Variants in C8orf34 observed in about 807,000 individuals in gnomAD.
C8orf34 encodes the protein chromosome 8 open reading frame 34.
In C8orf34, 65 loss-of-function variants were observed where a neutral mutation model predicts 68.3. That is an observed-to-expected ratio of 0.95 (90% CI 0.78 to 1.17). C8orf34 has a LOEUF of 1.17. C8orf34 is among the 50% of genes most tolerant of loss of function. The probability of loss-of-function intolerance (pLI) is 0.00; values close to 1 mark genes in which losing one functional copy is unlikely to be tolerated. For synonymous variants in C8orf34, 244 were observed against 241.2 expected, an observed-to-expected ratio of 1.01 and a Z score of -0.11; for missense variants, 664 against 655.4, an observed-to-expected ratio of 1.01 and a Z score of -0.14.
intron 7 of C8orf34, among the ~76,000 whole-genome samples, chr8:68,564,304 A>T (rs764043657): frequency 2.0e-5 from 3 of 152,222 alleles, no homozygotes; most frequent in Non-Finnish European, 4.4e-5. Flanking sequence ...AACAAAATAT[A>T]GTTGATCATT....
chr8:68,356,304 T>C (rs973337357), intron 1 of C8orf34, among the ~76,000 whole-genome samples: 2 of 152,202 alleles, frequency 1.3e-5, no homozygotes, highest in Admixed American at 6.6e-5. Flanking sequence ...ATTAAGTTCT[T>C]TGGTGCATGG....
At chr8:68,575,501 C>T (rs1816876451) in intron 7 of C8orf34, among the ~76,000 whole-genome samples, 1 of 152,038 alleles carries the variant, frequency 6.6e-6, no homozygotes, top group African/African-American at 2.4e-5. Flanking sequence ...TGCAGTGGTA[C>T]ATTGGGTAAG....
At chr8:68,418,852 A>C (rs899587761) in intron 1 of C8orf34, among the ~76,000 whole-genome samples, 1 of 151,900 alleles carries the variant, frequency 6.6e-6, no homozygotes. Context: ...AAAGACTTAA[A>C]CGTTAGACCT....
chr8:68,601,353 C>A (rs752053982), intron 7 of C8orf34, among the ~76,000 whole-genome samples: 2 of 151,944 alleles, frequency 1.3e-5, no homozygotes, highest in African/African-American at 2.4e-5. Context: ...GAGACTCCAA[C>A]GGTACACATG....
intron 7 of C8orf34, among the ~76,000 whole-genome samples, chr8:68,569,979 C>T (rs923196855): frequency 2.6e-5 from 4 of 152,306 alleles, no homozygotes; most frequent in African/African-American, 9.6e-5. Flanking sequence ...TCAGGCTGCT[C>T]TTTGATTTCA....
chr8:68,396,846 T>C (rs1341577090), intron 1 of C8orf34, among the ~76,000 whole-genome samples: 3 of 151,248 alleles, frequency 2.0e-5, no homozygotes, highest in South Asian at 2.1e-4. Flanking sequence ...CTTGAGGCCT[T>C]CATGAGAAGC....
At chr8:68,575,592 GT>G (rs1213965304) in intron 7 of C8orf34, among the ~76,000 whole-genome samples, 26 of 152,030 alleles carry the variant, frequency 1.7e-4, no homozygotes, top group Admixed American at 1.7e-3. Flanking sequence ...TATTTTGTCA[GT>G]ATAAGGGTGT....
intron 8 of C8orf34, among the ~76,000 whole-genome samples, chr8:68,668,155 G>C (rs1160660295): frequency 1.3e-5 from 2 of 151,844 alleles, no homozygotes; most frequent in Non-Finnish European, 2.9e-5. Flanking sequence ...TCAATATATA[G>C]CTACTACATT....
At chr8:68,750,624 A>G (rs1822678857) in intron 10 of C8orf34, among the ~76,000 whole-genome samples, 1 of 152,102 alleles carries the variant, frequency 6.6e-6, no homozygotes, top group Non-Finnish European at 1.5e-5. Flanking sequence ...CGTGCATTTT[A>G]CCATAATAAA....
At chr8:68,379,067 G>C (rs1014369251) in intron 1 of C8orf34, among the ~76,000 whole-genome samples, 5 of 152,158 alleles carry the variant, frequency 3.3e-5, no homozygotes, top group Admixed American at 6.5e-5. Flanking sequence ...ATCTCGAAGA[G>C]AGAAGACTTA....
chr8:68,784,221 T>C (rs1823777334), intron 11 of C8orf34, among the ~76,000 whole-genome samples: 1 of 152,218 alleles, frequency 6.6e-6, no homozygotes, highest in Non-Finnish European at 1.5e-5. Flanking sequence ...GCAATGGCTA[T>C]CAGGAGTACA....
chr8:68,585,999 G>A (rs1477745742), intron 7 of C8orf34, among the ~76,000 whole-genome samples: 6 of 151,972 alleles, frequency 3.9e-5, no homozygotes, highest in Non-Finnish European at 8.8e-5. Flanking sequence ...ACCAAGATGG[G>A]GACCTTTGGG....
At chr8:68,511,082 C>A (rs370902704) in intron 5 of C8orf34, among the ~76,000 whole-genome samples, 2 of 152,326 alleles carry the variant, frequency 1.3e-5, no homozygotes, top group South Asian at 2.1e-4. Flanking sequence ...CCACTTTCTC[C>A]AATTGTGTCC....
chr8:68,618,321 A>G (rs979574715), intron 7 of C8orf34, among the ~76,000 whole-genome samples: 6 of 152,126 alleles, frequency 3.9e-5, no homozygotes, highest in Admixed American at 1.3e-4. Flanking sequence ...CTTTATCTAA[A>G]TATAGTTCTT....
intron 11 of C8orf34, among the ~76,000 whole-genome samples, chr8:68,778,917 C>T (rs1475139130): frequency 6.6e-6 from 1 of 152,084 alleles, no homozygotes; most frequent in East Asian, 1.9e-4. Context: ...TGGCTCATGC[C>T]TGTAATCCTA....
At chr8:68,701,421 A>C (rs903924521) in intron 8 of C8orf34, among the ~76,000 whole-genome samples, 1 of 152,068 alleles carries the variant, frequency 6.6e-6, no homozygotes, top group African/African-American at 2.4e-5. Flanking sequence ...CCCAAACAAA[A>C]TTCCACTTAA....
At chr8:68,595,236 G>A (rs2130460368) in intron 7 of C8orf34, among the ~76,000 whole-genome samples, 1 of 151,506 alleles carries the variant, frequency 6.6e-6, no homozygotes, top group East Asian at 1.9e-4. Flanking sequence ...CTCTTTATGG[G>A]CTATTTTCTC....
At chr8:68,764,092 G>T (rs6991944) in intron 10 of C8orf34, among the ~76,000 whole-genome samples, 6 of 152,108 alleles carry the variant, frequency 3.9e-5, no homozygotes, top group African/African-American at 1.4e-4. Flanking sequence ...GCTGTTTTGG[G>T]GATATGTGGA....
intron 7 of C8orf34, among the ~76,000 whole-genome samples, chr8:68,541,871 T>C (rs1029625775): frequency 6.6e-6 from 1 of 152,212 alleles, no homozygotes; most frequent in Non-Finnish European, 1.5e-5. Context: ...ATGTTCAAAT[T>C]TTTCATGTAG....
Sources: allele counts gnomAD v4.1 joint callset (sites outside exome capture counted in the v4.1 genomes callset), GRCh38; gene constraint gnomAD v4.1.1; transcripts MANE v1.5; gene names NCBI Gene and HGNC (gene_info 2026-07-23, HGNC 2026-07-21).